The following HDX variants were observed in gnomAD, a reference collection of about 807,000 sequenced individuals.
HDX encodes highly divergent homeobox, also known as chromosome X open reading frame 43.
A neutral mutation model predicts 45.2 loss-of-function variants in HDX; 19 were observed. The observed-to-expected ratio is 0.42, with a 90% CI of 0.29 to 0.62. The LOEUF (loss-of-function observed/expected upper bound fraction) is 0.62, where lower values mean the gene tolerates loss of function less well. Among genes scored for constraint, HDX ranks in the 20% least tolerant of loss-of-function variants. HDX has a pLI of 0.20. For synonymous variants in HDX, 188 were observed against 172.8 expected (o/e 1.09, Z -0.69); for missense variants, 532 against 493.9 (o/e 1.08, Z -0.73).
At position 84,408,499 on chromosome X, in the gene HDX, G is replaced by GTTTTTT. The variant is rs1220751208; in HGVS notation, c.1305+32027_1305+32032dup. ...TGCATAAAGTGATGCCTCCAGCTTT[G>GTTTTTT]TTTTTTTTTTTTTTTTTTTTTTTGC... On this transcript the variant is annotated intron_variant, in intron 5 of 10. Transcript: ENST00000373177. 4.9e-3 allele frequency among the ~76,000 whole-genome samples: 218 copies of GTTTTTT among 44,345 alleles called. 20 individuals carry two copies. Among genetic ancestry groups the GTTTTTT allele is most frequent in the Middle Eastern group, 0.04 (1 of 25 alleles). 38.5% of individuals were successfully genotyped at this position (44,345 alleles called of 115,157 possible). A position where few individuals can be genotyped will look rare whatever the true frequency, so the allele number is the denominator to read the frequency against.
At chrX:84,437,128 G>T (rs748365767) in intron 5 of HDX, among the ~76,000 whole-genome samples, 1 of 111,298 alleles carries the variant, frequency 9.0e-6, no homozygotes, top group Admixed American at 9.6e-5. Context: ...GATATTCCTT[G>T]CAAATAGAAA....
chrX:84,402,682 T>A (rs1387201257), intron 5 of HDX, among the ~76,000 whole-genome samples: 4 of 111,651 alleles, frequency 3.6e-5, no homozygotes, highest in Non-Finnish European at 5.6e-5. Flanking sequence ...AATTTTCAAA[T>A]CAATTGGGTA....
At chrX:84,403,894 G>A (rs2038759875) in intron 5 of HDX, 1 of 111,514 alleles carries the variant, frequency 9.0e-6, no homozygotes, top group African/African-American at 3.3e-5. Flanking sequence ...CACTTACTAA[G>A]TCAGAACAAA....
intron 5 of HDX, among the ~76,000 whole-genome samples, chrX:84,366,454 A>G (rs1427979728): frequency 8.9e-6 from 1 of 111,931 alleles, no homozygotes; most frequent in Admixed American, 9.5e-5. Context: ...GCTACCATTG[A>G]CTTTCTTCAC....
chrX:84,435,835 G>C (rs1274033899), intron 5 of HDX, among the ~76,000 whole-genome samples: 5 of 98,732 alleles, frequency 5.1e-5, no homozygotes, highest in East Asian at 3.2e-4. Context: ...TGGTGGGACT[G>C]TAAACTAGTT....
At chrX:84,369,137 C>T (rs2037833648) in intron 5 of HDX, among the ~76,000 whole-genome samples, 1 of 111,571 alleles carries the variant, frequency 9.0e-6, no homozygotes, top group African/African-American at 3.3e-5. Flanking sequence ...CTTAACTACT[C>T]TAGATAGCTC....
intron 5 of HDX, among the ~76,000 whole-genome samples, chrX:84,413,375 C>G (rs5968316): frequency 0.07 from 7,761 of 111,335 alleles, 323 homozygotes; most frequent in African/African-American, 0.16. Flanking sequence ...ATAAGGTGGG[C>G]TCAGTGGACT....
chrX:84,447,115 G>C (rs1336951494), intron 4 of HDX, among the ~76,000 whole-genome samples: 1 of 111,554 alleles, frequency 9.0e-6, no homozygotes, highest in Non-Finnish European at 1.9e-5. Context: ...ACTAATTGAG[G>C]AATATATAGA....
chrX:84,434,860 C>A (rs112848900), intron 5 of HDX, among the ~76,000 whole-genome samples: 1 of 110,614 alleles, frequency 9.0e-6, no homozygotes, highest in Non-Finnish European at 1.9e-5. Flanking sequence ...TTTATTTGTC[C>A]CTTCAGATTT....
chrX:84,356,758 G>GTAGT (rs746353251), intron 6 of HDX, among the ~76,000 whole-genome samples: 1 of 108,537 alleles, frequency 9.2e-6, no homozygotes, highest in South Asian at 4.2e-4. Flanking sequence ...GAGTAGCTGG[G>GTAGT]ACTATAGGCG....
intron 5 of HDX, among the ~76,000 whole-genome samples, chrX:84,402,836 T>G (rs967275406): frequency 2.7e-5 from 3 of 111,308 alleles, no homozygotes; most frequent in African/African-American, 9.8e-5. Context: ...CATCAATAAT[T>G]GGAATTTTTA....
At chrX:84,333,539 C>T (rs763484105) in intron 9 of HDX, among the ~76,000 whole-genome samples, 53 of 111,064 alleles carry the variant, frequency 4.8e-4, no homozygotes, top group African/African-American at 1.7e-3. Context: ...ACCATCAATA[C>T]TTACTCCACT....
chrX:84,386,642 A>C (rs1444196980), intron 5 of HDX, among the ~76,000 whole-genome samples: 1 of 111,586 alleles, frequency 9.0e-6, no homozygotes, highest in Non-Finnish European at 1.9e-5. Flanking sequence ...GTGTGCATGG[A>C]GTCATTCCTA....
chrX:84,459,859 A>G (rs1453985540), intron 4 of HDX, among the ~76,000 whole-genome samples: 2 of 111,676 alleles, frequency 1.8e-5, no homozygotes, highest in African/African-American at 6.5e-5. Flanking sequence ...AGGAGACATT[A>G]TAACTGATAG....
At chrX:84,377,255 G>A (rs1437891633) in intron 5 of HDX, among the ~76,000 whole-genome samples, 1 of 111,433 alleles carries the variant, frequency 9.0e-6, no homozygotes, top group African/African-American at 3.3e-5. Context: ...TCAAATATCT[G>A]GAACTCCTTC....
At chrX:84,437,024 G>T (rs1014007720) in intron 5 of HDX, among the ~76,000 whole-genome samples, 5 of 110,058 alleles carry the variant, frequency 4.5e-5, no homozygotes, top group African/African-American at 1.7e-4. Context: ...CTCCAGTATT[G>T]GATGCATATA....
intron 3 of HDX, among the ~76,000 whole-genome samples, chrX:84,472,026 A>T (rs1175552695): frequency 9.0e-6 from 1 of 110,647 alleles, no homozygotes; most frequent in Non-Finnish European, 1.9e-5. Context: ...CATTTAAAAA[A>T]AATTAATGGG....
intron 5 of HDX, among the ~76,000 whole-genome samples, chrX:84,393,996 C>G (rs1441351144): frequency 1.8e-5 from 2 of 110,608 alleles, no homozygotes; most frequent in Admixed American, 1.9e-4. Flanking sequence ...TTTTTAGTCC[C>G]TATTTCATTG....
chrX:84,479,194 A>G (rs1175368337), intron 2 of HDX, among the ~76,000 whole-genome samples: 1 of 110,952 alleles, frequency 9.0e-6, no homozygotes, highest in Admixed American at 9.6e-5. Flanking sequence ...TAGTTTCATC[A>G]CTCCCAAAAA....
Sources: allele counts gnomAD v4.1 joint callset (sites outside exome capture counted in the v4.1 genomes callset), GRCh38; gene constraint gnomAD v4.1.1; transcripts MANE v1.5; gene names NCBI Gene and HGNC (gene_info 2026-07-23, HGNC 2026-07-21).